The following SREBF2 variants were observed in gnomAD, a reference collection of about 807,000 sequenced individuals.
The protein encoded by SREBF2 is sterol regulatory element-binding protein 2.
Under a neutral mutation model 113.1 loss-of-function variants are expected in SREBF2, and 55 were observed. The ratio of observed to expected loss-of-function variants is 0.49; its 90% CI spans 0.39 to 0.61. The LOEUF (loss-of-function observed/expected upper bound fraction) is 0.61, where lower values mean the gene tolerates loss of function less well. SREBF2 is among the 20% of genes least tolerant of loss of function. The pLI, the probability that SREBF2 is intolerant of heterozygous loss-of-function variation, is 0.00. For missense variants in SREBF2, 1,349 were observed against 1,487.4 expected, an observed-to-expected ratio of 0.91 and a Z score of 1.53; for synonymous variants, 593 against 605.7, an observed-to-expected ratio of 0.98 and a Z score of 0.31.
rs1024750753 is a variant in SREBF2 at position 41,884,809 on chromosome 22, A to G, written c.2039-33A>G. The G allele has an allele frequency of 1.7e-5, 27 of 1,614,006 alleles. No individual in the cohort carries two copies. In the East Asian group the frequency reaches 5.8e-4, roughly 35 times the overall value. The stretch of plus-strand genomic sequence containing the variant: ...GGAAAAAGTTTGGTTTTGGGGCTCC[A>G]TCAACAATAGTGTCTGTTTCTGCCC... On this transcript the variant is annotated intron_variant, in intron 10 of 18. Coordinates refer to ENST00000361204, the MANE Select transcript of SREBF2 (RefSeq NM_004599.4).
chr22:41,878,096 G>C lies in SREBF2; in HGVS notation c.1734G>C (p.Arg578=), dbSNP rs139907990. 6.0e-4 allele frequency: 976 copies of C among 1,614,158 alleles called. 11 individuals are homozygous for C. In the South Asian group the frequency reaches 0.01, roughly 17 times the overall value. ...SRSSVTFWRH[R]KQADLDLARG... Reference sequence around the variant, plus strand: ...CCTCGGTCACCTTCTGGAGGCACCGGAAACAGGCAGATCTGGATCTCGCCA... The same window carrying C: ...CCTCGGTCACCTTCTGGAGGCACCGCAAACAGGCAGATCTGGATCTCGCCA... Residue 578 remains arginine, a synonymous_variant, in exon 9 of 19, where the codon CGG becomes CGC. Coordinates refer to ENST00000361204, the MANE Select transcript of SREBF2 (RefSeq NM_004599.4).
chr22:41,876,165 T>C (rs1488867049), intron 7 of SREBF2, among the ~76,000 whole-genome samples: 2 of 152,256 alleles, frequency 1.3e-5, no homozygotes, highest in Non-Finnish European at 2.9e-5. Flanking sequence ...GATAACATTT[T>C]ACCTATGGGC....
intron 1 of SREBF2, among the ~76,000 whole-genome samples, chr22:41,864,699 T>C (rs2077059644): frequency 6.6e-6 from 1 of 152,024 alleles, no homozygotes; most frequent in South Asian, 2.1e-4. Context: ...CTCATGCCTG[T>C]AGTCCCAGCA....
chr22:41,850,946 G>A (rs1374057044), intron 1 of SREBF2, among the ~76,000 whole-genome samples: 2 of 152,054 alleles, frequency 1.3e-5, no homozygotes, highest in African/African-American at 4.8e-5. Flanking sequence ...TCACCATGTT[G>A]GCCAGGCTGG....
chr22:41,849,631 T>C (rs909332388), intron 1 of SREBF2, among the ~76,000 whole-genome samples: 1 of 152,234 alleles, frequency 6.6e-6, no homozygotes, highest in Non-Finnish European at 1.5e-5. Flanking sequence ...TTTATTAAAA[T>C]GTATACTTAA....
chr22:41,856,940 G>A (rs976850234), intron 1 of SREBF2, among the ~76,000 whole-genome samples: 16 of 152,058 alleles, frequency 1.1e-4, no homozygotes, highest in South Asian at 2.1e-4. Flanking sequence ...GGTGGCAGGC[G>A]GCTGTAATCC....
chr22:41,897,722 G>A (rs930002113), intron 14 of SREBF2, among the ~76,000 whole-genome samples: 4 of 152,174 alleles, frequency 2.6e-5, no homozygotes, highest in African/African-American at 9.7e-5. Context: ...TGGAAGATGG[G>A]GGTACCAAGC....
chr22:41,883,290 T>A (rs957701652), intron 10 of SREBF2, among the ~76,000 whole-genome samples: 1 of 152,124 alleles, frequency 6.6e-6, no homozygotes, highest in African/African-American at 2.4e-5. Context: ...GTTAGATACC[T>A]TGATGGCAGT....
Position 41,868,627 on chromosome 22 carries a change from C to G in SREBF2, c.555C>G (p.Val185=). 21 of 1,614,220 alleles carry G rather than the reference C, an allele frequency of 1.3e-5. No individual in the cohort carries two copies. The highest frequency in any genetic ancestry group is 1.8e-5 in the Non-Finnish European group (21 of 1,180,042). ...ATSFQVLQPQ[V]QSLVTSSQVQ... Reference sequence around the variant, plus strand: ...TCTCCCAAGTCCTTCAGCCTCAAGTCCAAAGCCTGGTGACATCCTCCCAGG... The same window carrying G: ...TCTCCCAAGTCCTTCAGCCTCAAGTGCAAAGCCTGGTGACATCCTCCCAGG... The change falls in exon 3 of 19, where the codon GTC becomes GTG. Residue 185 remains valine, a synonymous_variant. Coordinates refer to ENST00000361204, the MANE Select transcript of SREBF2 (RefSeq NM_004599.4).
chr22:41,865,439 C>T (rs2077066077), intron 1 of SREBF2, among the ~76,000 whole-genome samples: 1 of 152,096 alleles, frequency 6.6e-6, no homozygotes, highest in Non-Finnish European at 1.5e-5. Flanking sequence ...AGCTGAGGCT[C>T]CTGACTTCTA....
Position 41,903,139 on chromosome 22 carries a change from G to T in SREBF2, c.3077G>T (p.Arg1026Leu). 1.3e-6 allele frequency: 2 copies of T among 1,554,130 alleles called. No homozygotes were observed. Among genetic ancestry groups the T allele is most frequent in the Non-Finnish European group, 1.7e-6 (2 of 1,149,120 alleles). The change falls in exon 17 of 19, where the codon CGC (arginine) becomes CTC (leucine). Residue 1026 changes from arginine to leucine, a missense_variant. Arg to Leu is a moderately radical substitution (Grantham distance 102). This residue lies in a region of SREBF2 where 650 missense variants were observed against 644.1 expected (regional missense o/e 1.01). Transcript: ENST00000361204. ...GSLRRLAHSF[R>L]PAYRKVFLHE... Reference sequence around the variant, plus strand: ...CTGCGCAGGCTGGCACACAGCTTCCGCCCAGCATACCGCAAGGTGAGGCCC... The same window carrying T: ...CTGCGCAGGCTGGCACACAGCTTCCTCCCAGCATACCGCAAGGTGAGGCCC...
At chr22:41,877,662 G>C (rs1365663763) in intron 8 of SREBF2, among the ~76,000 whole-genome samples, 1 of 152,172 alleles carries the variant, frequency 6.6e-6, no homozygotes, top group Admixed American at 6.5e-5. Context: ...AATACCCTGG[G>C]GTGGAGGGGT....
chr22:41,870,794 C>T (rs955825444), intron 3 of SREBF2, 95 bp from the exon 4 acceptor site: 3 of 1,483,178 alleles, frequency 2.0e-6, no homozygotes, highest in Admixed American at 1.7e-5. Context: ...TATATCATTT[C>T]TCATTCTTTC....
At chr22:41,844,173 C>T (rs1003876857) in intron 1 of SREBF2, among the ~76,000 whole-genome samples, 2 of 151,958 alleles carry the variant, frequency 1.3e-5, no homozygotes, top group African/African-American at 4.8e-5. Flanking sequence ...TTAATTTCCT[C>T]TGTAAGGTGG....
At chr22:41,841,634 T>C (rs555094550) in intron 1 of SREBF2, among the ~76,000 whole-genome samples, 6 of 152,354 alleles carry the variant, frequency 3.9e-5, no homozygotes, top group East Asian at 3.9e-4. Context: ...TTAAAAAATA[T>C]ATATTTTTGC....
intron 14 of SREBF2, 63 bp downstream of exon 14, chr22:41,897,224 GC>G: frequency 2.6e-6 from 3 of 1,141,420 alleles, no homozygotes; most frequent in Non-Finnish European, 3.9e-6. Flanking sequence ...CAGTGCTTTT[GC>G]CCCAGGGGTC....
chr22:41,893,107 C>G lies in SREBF2; in HGVS notation c.2209-10C>G, dbSNP rs1243013552. ...CCTTGGTGTTACCCCTGGTCCTTGTCCTTCCACAGAGCTACTTCCTCAGCC... is the reference window on the plus strand; with the variant it reads ...CCTTGGTGTTACCCCTGGTCCTTGTGCTTCCACAGAGCTACTTCCTCAGCC... On this transcript the variant is annotated splice_polypyrimidine_tract_variant and intron_variant, in intron 11 of 18. Coordinates refer to ENST00000361204, the MANE Select transcript of SREBF2 (RefSeq NM_004599.4). 2 of 1,612,886 alleles carry G rather than the reference C, an allele frequency of 1.2e-6. No homozygotes were observed. The highest frequency in any genetic ancestry group is 1.7e-5 in the Admixed American group (1 of 60,030).
intron 1 of SREBF2, among the ~76,000 whole-genome samples, chr22:41,839,188 G>A (rs939460338): frequency 6.6e-6 from 1 of 152,124 alleles, no homozygotes; most frequent in Non-Finnish European, 1.5e-5. Flanking sequence ...CTGGAGCACT[G>A]GGGGAGTTAG....
At chr22:41,895,360 C>T (rs1050524671) in intron 13 of SREBF2, among the ~76,000 whole-genome samples, 4 of 149,564 alleles carry the variant, frequency 2.7e-5, no homozygotes, top group African/African-American at 4.9e-5. Flanking sequence ...AGGATGGTCT[C>T]GACCTCGTGA....
Sources: allele counts gnomAD v4.1 joint callset (sites outside exome capture counted in the v4.1 genomes callset), GRCh38; gene constraint gnomAD v4.1.1; regional missense constraint gnomAD v4.1.1; transcripts MANE v1.5; gene names NCBI Gene and HGNC (gene_info 2026-07-23, HGNC 2026-07-21).